PCDHA12: variants seen among roughly 807,000 people sequenced by gnomAD.
PCDHA12 encodes the protein protocadherin alpha-12.
Under a neutral mutation model 60.0 loss-of-function variants are expected in PCDHA12, and 44 were observed. That is an observed-to-expected ratio of 0.73 (90% CI 0.58 to 0.94). PCDHA12 has a LOEUF of 0.94. PCDHA12 is among the 40% of genes least tolerant of loss of function. The pLI, the probability that PCDHA12 is intolerant of heterozygous loss-of-function variation, is 0.00. For missense variants in PCDHA12, 1,276 were observed against 1,239.7 expected, an observed-to-expected ratio of 1.03 and a Z score of -0.44; for synonymous variants, 569 against 553.0, an observed-to-expected ratio of 1.03 and a Z score of -0.40.
At chr5:140,929,679 G>A (rs142104946) in intron 1 of PCDHA12, 4 of 303,052 alleles carry the variant, frequency 1.3e-5, no homozygotes, top group African/African-American at 2.2e-5. Context: ...TGAAAAATAT[G>A]TAAGAGTCTG....
chr5:141,003,406 G>A (rs2098122557), intron 3 of PCDHA12, among the ~76,000 whole-genome samples: 1 of 152,134 alleles, frequency 6.6e-6, no homozygotes, highest in African/African-American at 2.4e-5. Flanking sequence ...CCGCCTCCCG[G>A]GTTCGAGTGA....
intron 1 of PCDHA12, among the ~76,000 whole-genome samples, chr5:140,974,079 G>A (rs1554235799): frequency 6.6e-6 from 1 of 152,180 alleles, no homozygotes. Flanking sequence ...CTATAACCAT[G>A]ACTTCAAAAA....
chr5:140,964,785 C>T (rs890090665), intron 1 of PCDHA12, among the ~76,000 whole-genome samples: 2 of 151,408 alleles, frequency 1.3e-5, no homozygotes, highest in East Asian at 3.9e-4. Context: ...GAGGAAGAAG[C>T]CAGAGACCCA....
At chr5:140,915,445 G>C (rs2077121673) in intron 1 of PCDHA12, among the ~76,000 whole-genome samples, 1 of 152,024 alleles carries the variant, frequency 6.6e-6, no homozygotes, top group Non-Finnish European at 1.5e-5. Context: ...TTCTTGAGAA[G>C]GTTTTCCAGA....
rs1554169741 is a variant in PCDHA12 at position 140,877,438 on chromosome 5, G to A, written c.1966G>A (p.Glu656Lys). The change falls in exon 1 of 4, where the codon GAG (glutamate) becomes AAG (lysine). Residue 656 changes from glutamate (E) to lysine (K), a missense_variant. By Grantham distance (56) the Glu-to-Lys change is moderately conservative. Transcript: ENST00000398631. ...GCTGGTGCTGGTGAAGGACCACGGT[G>A]AGCCCGCGCTGACGTCCACGGCCAC... The part of the protein sequence containing the change: ...RLLVLVKDHG[E>K]PALTSTATVL... 6.2e-7 allele frequency: 1 copy of A among 1,613,892 alleles called. No homozygotes were observed. Among genetic ancestry groups the A allele is most frequent in the South Asian group, 1.1e-5 (1 of 91,070 alleles).
intron 1 of PCDHA12, among the ~76,000 whole-genome samples, chr5:140,948,792 T>C (rs1215416836): frequency 6.6e-6 from 1 of 151,646 alleles, no homozygotes; most frequent in Non-Finnish European, 1.5e-5. Context: ...TTTGTTGATA[T>C]ATTTTCTATT....
intron 1 of PCDHA12, among the ~76,000 whole-genome samples, chr5:140,925,821 T>C (rs1381036851): frequency 1.3e-5 from 2 of 152,136 alleles, no homozygotes; most frequent in African/African-American, 4.8e-5. Context: ...CACGTCTTCT[T>C]TGGGGACGGG....
At chr5:140,889,231 T>G (rs1456128446) in intron 1 of PCDHA12, among the ~76,000 whole-genome samples, 2 of 151,912 alleles carry the variant, frequency 1.3e-5, no homozygotes, top group Non-Finnish European at 2.9e-5. Flanking sequence ...TTTGAAAACT[T>G]CCAGAAAATT....
intron 1 of PCDHA12, among the ~76,000 whole-genome samples, chr5:140,891,837 G>T (rs563744812): frequency 2.9e-4 from 44 of 152,264 alleles, no homozygotes; most frequent in Admixed American, 1.9e-3. Flanking sequence ...AAAAGGACTT[G>T]ATGGAAGGAG....
chr5:140,928,690 A>AT lies in PCDHA12; in HGVS notation c.2368-50258dup, dbSNP rs2085447249. On this transcript the variant is annotated intron_variant, in intron 1 of 3. Transcript: ENST00000398631. ...TTCTAATGCCTGGCTTTCCTACCAC[A>AT]TCTCCCGGGCGTCTGACTCTAGTCT... 6 of 1,614,180 alleles carry AT rather than the reference A, an allele frequency of 3.7e-6. No homozygotes were observed. The African/African-American group carries it at 4.0e-5, about 11-fold the overall frequency.
Position 140,876,955 on chromosome 5 carries a change from G to C in PCDHA12, c.1483G>C (p.Val495Leu). 1 of 1,613,390 alleles carries C rather than the reference G, an allele frequency of 6.2e-7. No homozygotes were observed. The highest frequency in any genetic ancestry group is 1.7e-5 in the Admixed American group (1 of 60,022). Residue 495 changes from valine to leucine, a missense_variant, in exon 1 of 4, where the codon GTG (valine) becomes CTG (leucine). Transcript: ENST00000398631. Reference protein sequence around the residue: ...QKNALVSYSLVERRVGEHALS... With the variant: ...QKNALVSYSLLERRVGEHALS... Reference sequence around the variant, plus strand: ...GAACGCGCTGGTGTCCTACTCGCTGGTGGAGCGGCGGGTGGGCGAGCACGC... The same window carrying C: ...GAACGCGCTGGTGTCCTACTCGCTGCTGGAGCGGCGGGTGGGCGAGCACGC...
In PCDHA12 at chr5:140,876,819, C is replaced by G. The variant is rs781959784; in HGVS notation, c.1347C>G (p.Asn449Lys). The G allele has an allele frequency of 2.5e-6, 4 of 1,614,180 alleles. No homozygotes were observed. The highest frequency in any genetic ancestry group is 3.4e-6 in the Non-Finnish European group (4 of 1,180,030). Reference protein sequence around the residue: ...ARVSVEVADVNDNAPAFAQPE... With the variant: ...ARVSVEVADVKDNAPAFAQPE... The stretch of plus-strand genomic sequence containing the variant: ...TGTCCGTGGAGGTGGCCGACGTGAA[C>G]GACAATGCGCCTGCGTTCGCGCAGC... The change falls in exon 1 of 4, where the codon AAC (asparagine) becomes AAG (lysine). Residue 449 changes from asparagine to lysine, a missense_variant. Physicochemically the swap from Asn to Lys is moderately conservative, Grantham distance 94. Coordinates refer to ENST00000398631, the MANE Select transcript of PCDHA12 (RefSeq NM_018903.4).
intron 1 of PCDHA12, chr5:140,926,696 C>A: frequency 1.3e-6 from 1 of 771,792 alleles, no homozygotes; most frequent in Non-Finnish European, 1.9e-6. Context: ...GCAAGCCCGG[C>A]TCCCAGCTGG....
At chr5:140,959,826 T>C (rs2095512884) in intron 1 of PCDHA12, among the ~76,000 whole-genome samples, 1 of 152,224 alleles carries the variant, frequency 6.6e-6, no homozygotes, top group Non-Finnish European at 1.5e-5. Flanking sequence ...CACATGATAA[T>C]GTATTATGCC....
chr5:140,965,877 G>C (rs1355769719), intron 1 of PCDHA12, among the ~76,000 whole-genome samples: 3 of 152,210 alleles, frequency 2.0e-5, no homozygotes, highest in Non-Finnish European at 4.4e-5. Context: ...CCACTTGGCC[G>C]AGAGCAGAAT....
At chr5:140,884,794 A>G in intron 1 of PCDHA12, 1 of 1,280,100 alleles carries the variant, frequency 7.8e-7, no homozygotes, top group East Asian at 2.6e-5. Flanking sequence ...TTGTTATCGA[A>G]TTTAACAACT....
At position 140,927,047 on chromosome 5, in the gene PCDHA12, C is replaced by T. The variant is rs782800214; in HGVS notation, c.2367+49208C>T. On this transcript the variant is annotated intron_variant, in intron 1 of 3. Coordinates refer to ENST00000398631, the MANE Select transcript of PCDHA12 (RefSeq NM_018903.4). ...AGGCTGCCAGCGGCCGCTATGTCCT[C>T]GCGGAACTTTCGCTTCCTTTCCAGC... The T allele has an allele frequency of 2.5e-6, 4 of 1,612,066 alleles. No homozygotes were observed. The highest frequency in any genetic ancestry group is 1.7e-5 in the Admixed American group (1 of 59,932).
intron 1 of PCDHA12, among the ~76,000 whole-genome samples, chr5:140,879,372 G>T (rs1434937494): frequency 1.3e-5 from 2 of 152,172 alleles, no homozygotes; most frequent in African/African-American, 4.8e-5. Context: ...CCAACCTGCA[G>T]AACAAGGTTG....
chr5:140,993,853 A>G (rs1423193144), intron 3 of PCDHA12, among the ~76,000 whole-genome samples: 5 of 152,198 alleles, frequency 3.3e-5, no homozygotes, highest in African/African-American at 7.2e-5. Context: ...GTAGTAGGCT[A>G]TGCCATCTAG....
Sources: allele counts gnomAD v4.1 joint callset (sites outside exome capture counted in the v4.1 genomes callset), GRCh38; gene constraint gnomAD v4.1.1; transcripts MANE v1.5; gene names NCBI Gene and HGNC (gene_info 2026-07-23, HGNC 2026-07-21).